Variants in FNDC1 observed in about 807,000 individuals in gnomAD.
The protein encoded by FNDC1 is fibronectin type III domain containing 1.
FNDC1 carries 96 observed loss-of-function variants against 168.0 expected under a neutral mutation model. That is an observed-to-expected ratio of 0.57 (90% CI 0.48 to 0.68). The LOEUF is 0.68. FNDC1 is among the 30% of genes least tolerant of loss of function. The pLI is 0.00. For missense variants in FNDC1, 2,587 were observed against 2,482.1 expected, an observed-to-expected ratio of 1.04 and a Z score of -0.90; for synonymous variants, 1,099 against 1,025.9, an observed-to-expected ratio of 1.07 and a Z score of -1.36.
At chr6:159,172,138 G>C (rs1039828771) in intron 1 of FNDC1, among the ~76,000 whole-genome samples, 1 of 152,146 alleles carries the variant, frequency 6.6e-6, no homozygotes, top group Non-Finnish European at 1.5e-5. Context: ...GTATCTTTGA[G>C]TGTATGTCTT....
chr6:159,234,298 G>T lies in FNDC1; in HGVS notation c.3786G>T (p.Pro1262=). The change falls in exon 11 of 23, where the codon CCG becomes CCT. Residue 1262 remains proline, a synonymous_variant. Transcript: ENST00000297267. Reference sequence around the variant, plus strand: ...CCTCCCACGTCCCTTCCCGACTGCCGCCTCGCAGCGCTGCCACCGTGAGCC... The same window carrying T: ...CCTCCCACGTCCCTTCCCGACTGCCTCCTCGCAGCGCTGCCACCGTGAGCC... The part of the protein sequence containing the change: ...PRASHVPSRL[P]PRSAATVSPV... 6.2e-7 allele frequency: 1 copy of T among 1,605,238 alleles called. No individual in the cohort carries two copies. Among genetic ancestry groups the T allele is most frequent in the African/African-American group, 1.3e-5 (1 of 74,680 alleles).
chr6:159,199,808 A>T (rs1782333300), intron 2 of FNDC1, among the ~76,000 whole-genome samples, 188 bp from the exon 3 acceptor site: 1 of 152,222 alleles, frequency 6.6e-6, no homozygotes, highest in South Asian at 2.1e-4. Flanking sequence ...TTTCAGTTGC[A>T]TGAGAAGAAT....
intron 10 of FNDC1, among the ~76,000 whole-genome samples, chr6:159,230,285 T>C (rs1374088830): frequency 6.6e-6 from 1 of 152,182 alleles, no homozygotes; most frequent in African/African-American, 2.4e-5. Context: ...AGGCTTGTGG[T>C]AACAGGGAAA....
At position 159,231,975 on chromosome 6, in the gene FNDC1, C is replaced by T. The variant is rs748312593; in HGVS notation, c.1463C>T (p.Ser488Phe). The change falls in exon 11 of 23, where the codon TCC becomes TTC. Residue 488 changes from serine to phenylalanine, a missense_variant. Physicochemically the swap from Ser to Phe is radical, Grantham distance 155 (BLOSUM62 -2). Transcript: ENST00000297267. ...SSPSPRAPASSQHPSVPASPQ... is the reference protein window; with the variant it reads ...SSPSPRAPASFQHPSVPASPQ... ...CCTTCTCCCAGAGCTCCAGCTTCCT[C>T]CCAACACCCCTCTGTGCCTGCTTCT... The T allele has an allele frequency of 1.2e-6, 2 of 1,613,886 alleles. No individual in the cohort carries two copies. Among genetic ancestry groups the T allele is most frequent in the South Asian group, 1.1e-5 (1 of 91,084 alleles).
chr6:159,229,768 G>T, intron 9 of FNDC1, 47 bp from the exon 10 acceptor site: 3 of 1,549,888 alleles, frequency 1.9e-6, no homozygotes, highest in South Asian at 2.4e-5. Flanking sequence ...CTGGACACAG[G>T]ACTGTTTTCA....
intron 4 of FNDC1, among the ~76,000 whole-genome samples, chr6:159,202,325 A>C (rs981955067): frequency 2.6e-5 from 4 of 152,228 alleles, no homozygotes; most frequent in Admixed American, 2.6e-4. Context: ...TAAAAATAAT[A>C]ATTTATGTGA....
intron 1 of FNDC1, among the ~76,000 whole-genome samples, chr6:159,170,901 T>C (rs1781641292): frequency 6.6e-6 from 1 of 152,186 alleles, no homozygotes; most frequent in Non-Finnish European, 1.5e-5. Context: ...TAAAACTAAA[T>C]AAAGTCTTCC....
rs770667602 is a variant in FNDC1 at position 159,234,046 on chromosome 6, GGACGAC to G, written c.3537_3542del (p.Asp1179_Asp1180del). ...AGTCCCAGCAGTCGGTCTCAGCCGA[GGACGAC>G]GAGGAGGAGGACGCGGGATTTTTTA... On this transcript the variant is annotated inframe_deletion, in exon 11 of 23. Transcript: ENST00000297267. The G allele has an allele frequency of 3.8e-6, 6 of 1,589,800 alleles. No individual in the cohort carries two copies. In the African/African-American group the frequency reaches 8.1e-5, roughly 21 times the overall value.
intron 1 of FNDC1, among the ~76,000 whole-genome samples, chr6:159,174,628 T>G (rs543355852): frequency 7.2e-5 from 11 of 152,288 alleles, no homozygotes; most frequent in Non-Finnish European, 1.2e-4. Context: ...CATTGGCGCT[T>G]TCTTCATATA....
intron 22 of FNDC1, among the ~76,000 whole-genome samples, chr6:159,269,289 TATCCATCC>T (rs1172613650): frequency 4.4e-5 from 2 of 45,014 alleles, no homozygotes; most frequent in Admixed American, 3.4e-4. Flanking sequence ...TCTATCTATC[TATCCATCC>T]ATCCATCTAT....
chr6:159,253,984 G>A (rs111753066), intron 17 of FNDC1, among the ~76,000 whole-genome samples: 48 of 152,326 alleles, frequency 3.2e-4, no homozygotes, highest in African/African-American at 1.1e-3. Context: ...TGCCAGACGG[G>A]AAATGCCGTG....
At position 159,238,604 on chromosome 6, in the gene FNDC1, C is replaced by T. The variant is rs371269352; in HGVS notation, c.4119C>T (p.Leu1373=). The T allele has an allele frequency of 2.2e-4, 361 of 1,611,846 alleles. 1 individual carries two copies. The highest frequency in any genetic ancestry group is 7.5e-4 in the Admixed American group (45 of 59,804). The part of the protein sequence containing the change: ...GLVLNAEGRY[L]QDSHGNPLRI... Reference sequence around the variant, plus strand: ...TATTGAATGCAGAAGGAAGGTACCTCCAAGATTCACATGGAAATCCTCTTC... The same window carrying T: ...TATTGAATGCAGAAGGAAGGTACCTTCAAGATTCACATGGAAATCCTCTTC... Residue 1373 remains leucine, a synonymous_variant, in exon 13 of 23, where the codon CTC becomes CTT. Coordinates refer to ENST00000297267, the MANE Select transcript of FNDC1 (RefSeq NM_032532.3).
intron 6 of FNDC1, 45 bp downstream of exon 6, chr6:159,221,741 A>T: frequency 7.2e-7 from 1 of 1,383,232 alleles, no homozygotes; most frequent in South Asian, 1.2e-5. Flanking sequence ...GTCTGGTATG[A>T]ATGCTATGTT....
chr6:159,227,641 T>A (rs1290897199), intron 9 of FNDC1, among the ~76,000 whole-genome samples: 2 of 117,234 alleles, frequency 1.7e-5, no homozygotes, highest in Non-Finnish European at 3.2e-5. Context: ...ACTATTCTTC[T>A]TTCTCTTTTT....
At position 159,188,062 on chromosome 6, in the gene FNDC1, TTGGCGGTTTCCAA is replaced by T. The variant is rs200944473; in HGVS notation, c.110-9365_110-9353del. Among the ~76,000 whole-genome samples the T allele has an allele frequency of 3.9e-5, 6 of 152,372 alleles. No individual in the cohort carries two copies. The East Asian group carries it at 1.2e-3, about 29-fold the overall frequency. On this transcript the variant is annotated intron_variant, in intron 1 of 22. Coordinates refer to ENST00000297267, the MANE Select transcript of FNDC1 (RefSeq NM_032532.3). ...CTTCATTTCAGAGTCTGGGAAGTAT[TTGGCGGTTTCCAA>T]TGGAAAGTAAAACTTGAACTTCAAA...
chr6:159,181,267 C>T lies in FNDC1; in HGVS notation c.109+11562C>T, dbSNP rs528675952. 8.7e-4 allele frequency among the ~76,000 whole-genome samples: 133 copies of T among 152,270 alleles called. 1 individual carries two copies. Among genetic ancestry groups the T allele is most frequent in the Non-Finnish European group, 1.4e-3 (96 of 68,022 alleles). The stretch of plus-strand genomic sequence containing the variant: ...CTTTTCAGTAGGCAAAAGAGTTCAT[C>T]AGCTTCTAGCACTGGGCCACAGCTC... On this transcript the variant is annotated intron_variant, in intron 1 of 22. Transcript: ENST00000297267.
intron 17 of FNDC1, among the ~76,000 whole-genome samples, chr6:159,254,826 C>T (rs971138837): frequency 2.6e-5 from 4 of 152,110 alleles, no homozygotes; most frequent in African/African-American, 9.7e-5. Flanking sequence ...CACACATTTG[C>T]TCAAGCCTGA....
intron 14 of FNDC1, among the ~76,000 whole-genome samples, chr6:159,240,221 G>T (rs1783390207): frequency 6.6e-6 from 1 of 152,156 alleles, no homozygotes; most frequent in South Asian, 2.1e-4. Context: ...ATTTAACTGG[G>T]CATCTTTTGT....
chr6:159,233,761 C>T lies in FNDC1; in HGVS notation c.3249C>T (p.Ser1083=), dbSNP rs866088410. 20 of 1,546,302 alleles carry T rather than the reference C, an allele frequency of 1.3e-5. No individual in the cohort carries two copies. The highest frequency in any genetic ancestry group is 1.7e-5 in the Non-Finnish European group (20 of 1,144,938). ...CCCAGGGCAGCTACGACGACGACAG[C>T]ACAGAAGTCGAGGCCCAGGATGTGC... ...EDAQGSYDDD[S]TEVEAQDVRA... The change falls in exon 11 of 23, where the codon AGC becomes AGT. Residue 1083 remains serine (S), a synonymous_variant. Coordinates refer to ENST00000297267, the MANE Select transcript of FNDC1 (RefSeq NM_032532.3). This position sits in a 1 kb window ranked among gnomAD's most constrained non-coding sequence, Gnocchi z 4.6.
Sources: allele counts gnomAD v4.1 joint callset (sites outside exome capture counted in the v4.1 genomes callset), GRCh38; gene constraint gnomAD v4.1.1; non-coding constraint Gnocchi (gnomAD v3.1); transcripts MANE v1.5; gene names NCBI Gene and HGNC (gene_info 2026-07-23, HGNC 2026-07-21).